The following SPAG16 variants were observed in gnomAD, a reference collection of about 807,000 sequenced individuals.
SPAG16 encodes the protein sperm associated antigen 16, also known as sperm-associated antigen 16 protein.
SPAG16 carries 86 observed loss-of-function variants against 80.4 expected under a neutral mutation model. The observed-to-expected ratio is 1.07, with a 90% CI of 0.90 to 1.28. The LOEUF (loss-of-function observed/expected upper bound fraction) is 1.28. Ranked by LOEUF, SPAG16 falls within the 50% of genes most tolerant of loss-of-function variation. SPAG16 has a pLI of 0.00. For synonymous variants in SPAG16, 294 were observed against 265.9 expected, an observed-to-expected ratio of 1.11 and a Z score of -1.03; for missense variants, 870 against 765.3, an observed-to-expected ratio of 1.14 and a Z score of -1.61.
At chr2:214,108,467 ACACACACACACACC>A (rs1484353531) in intron 14 of SPAG16, among the ~76,000 whole-genome samples, 17 of 88,892 alleles carry the variant, frequency 1.9e-4, no homozygotes, top group African/African-American at 7.5e-4. Flanking sequence ...ACACACACAC[ACACACACACACACC>A]CCCACACACA....
intron 9 of SPAG16, among the ~76,000 whole-genome samples, chr2:213,420,026 AT>A (rs375631530): frequency 0.072 from 10,466 of 146,050 alleles, 1,171 homozygotes; most frequent in African/African-American, 0.25. Flanking sequence ...TATACAAGAT[AT>A]TTTTTTATAC....
intron 14 of SPAG16, among the ~76,000 whole-genome samples, chr2:214,147,978 A>G (rs1241240720): frequency 6.6e-6 from 1 of 152,180 alleles, no homozygotes; most frequent in Non-Finnish European, 1.5e-5. Flanking sequence ...TAATTAAGGT[A>G]TTAACATTAA....
At chr2:213,467,127 A>G (rs1393846879) in intron 9 of SPAG16, among the ~76,000 whole-genome samples, 1 of 152,120 alleles carries the variant, frequency 6.6e-6, no homozygotes, top group Admixed American at 6.6e-5. Context: ...ATATTGGGGT[A>G]TTACAAGGGC....
At chr2:214,130,032 G>T (rs975064319) in intron 14 of SPAG16, among the ~76,000 whole-genome samples, 1 of 152,092 alleles carries the variant, frequency 6.6e-6, no homozygotes, top group Admixed American at 6.6e-5. Flanking sequence ...ACAAGTGAGC[G>T]TGCCTTCCAA....
chr2:213,346,087 G>A (rs1370772081), intron 6 of SPAG16, among the ~76,000 whole-genome samples: 1 of 152,154 alleles, frequency 6.6e-6, no homozygotes, highest in East Asian at 1.9e-4. Context: ...TCCTTGAAGA[G>A]GTCCTTCACA....
chr2:213,848,367 G>C (rs2074733128), intron 10 of SPAG16, among the ~76,000 whole-genome samples: 1 of 152,136 alleles, frequency 6.6e-6, no homozygotes, highest in African/African-American at 2.4e-5. Flanking sequence ...CATCTGAAGT[G>C]GTGTCCTACT....
At chr2:214,100,882 G>A (rs1238459937) in intron 13 of SPAG16, among the ~76,000 whole-genome samples, 1 of 151,940 alleles carries the variant, frequency 6.6e-6, no homozygotes, top group African/African-American at 2.4e-5. Flanking sequence ...TGGTAGAAAG[G>A]CATTTTAAAA....
chr2:213,937,992 A>C (rs2079054980), intron 12 of SPAG16, among the ~76,000 whole-genome samples: 1 of 152,044 alleles, frequency 6.6e-6, no homozygotes, highest in African/African-American at 2.4e-5. Context: ...TTTGGATCTG[A>C]CATGCTGTAT....
At chr2:213,650,907 A>G (rs1053135150) in intron 10 of SPAG16, among the ~76,000 whole-genome samples, 1 of 152,206 alleles carries the variant, frequency 6.6e-6, no homozygotes, top group African/African-American at 2.4e-5. Context: ...AATTTGAGAA[A>G]AATGATTCTG....
chr2:213,550,901 G>A (rs1230886599), intron 10 of SPAG16, among the ~76,000 whole-genome samples: 5 of 151,756 alleles, frequency 3.3e-5, no homozygotes, highest in African/African-American at 1.2e-4. Context: ...ATACTTTTAT[G>A]CATATTTTAA....
chr2:214,137,161 T>C lies in SPAG16; in HGVS notation c.1594-11979T>C, dbSNP rs529866429. 4.6e-5 allele frequency among the ~76,000 whole-genome samples: 7 copies of C among 152,262 alleles called. No homozygotes were observed. In the East Asian group the frequency reaches 7.7e-4, roughly 17 times the overall value. On this transcript the variant is annotated intron_variant, in intron 14 of 15. Coordinates refer to ENST00000331683, the MANE Select transcript of SPAG16 (RefSeq NM_024532.5). Reference sequence around the variant, plus strand: ...AACTTTTTAAATTGAAAAGAACAAATAAAATTAATGTGCATTGGCTTACTA... The same window carrying C: ...AACTTTTTAAATTGAAAAGAACAAACAAAATTAATGTGCATTGGCTTACTA...
At chr2:213,709,456 A>T (rs1487574843) in intron 10 of SPAG16, among the ~76,000 whole-genome samples, 1 of 152,230 alleles carries the variant, frequency 6.6e-6, no homozygotes, top group Admixed American at 6.5e-5. Flanking sequence ...GAATATTTCA[A>T]GCTATAATTC....
intron 11 of SPAG16, among the ~76,000 whole-genome samples, chr2:213,905,602 C>T (rs1211401177): frequency 6.6e-6 from 1 of 152,134 alleles, no homozygotes; most frequent in Non-Finnish European, 1.5e-5. Context: ...GCATGCTAGG[C>T]TTTGGGGAAA....
At position 213,989,966 on chromosome 2, in the gene SPAG16, G is replaced by A. The variant is rs183401921; in HGVS notation, c.1401-23985G>A. Among the ~76,000 whole-genome samples the A allele has an allele frequency of 7.9e-5, 12 of 152,082 alleles. No homozygotes were observed. The East Asian group carries it at 2.3e-3, about 29-fold the overall frequency. ...TAAAAATTGCCTTGATTTTAGAATAGCCACTAATTTTATATCATATTTGCA... is the reference window on the plus strand; with the variant it reads ...TAAAAATTGCCTTGATTTTAGAATAACCACTAATTTTATATCATATTTGCA... On this transcript the variant is annotated intron_variant, in intron 12 of 15. Transcript: ENST00000331683.
At chr2:213,303,305 G>A (rs962456897) in intron 3 of SPAG16, among the ~76,000 whole-genome samples, 18 of 150,716 alleles carry the variant, frequency 1.2e-4, no homozygotes, top group African/African-American at 2.2e-4. Flanking sequence ...TATATTTATC[G>A]GGTACATAAG....
At position 213,617,998 on chromosome 2, in the gene SPAG16, A is replaced by C. The variant is rs187577247; in HGVS notation, c.1070+127908A>C. Among the ~76,000 whole-genome samples, 276 of 152,282 alleles carry C rather than the reference A, an allele frequency of 1.8e-3. 1 individual carries two copies. The highest frequency in any genetic ancestry group is 1.0e-3 in the Non-Finnish European group (68 of 68,018). On this transcript the variant is annotated intron_variant, in intron 10 of 15. Transcript: ENST00000331683. ...TACACTCACCTCAAAAGGGCTTGTC[A>C]AGGTTGAGGTTGTAGCCCCTAGTTA... is the stretch of plus-strand genomic sequence containing the variant.
intron 10 of SPAG16, among the ~76,000 whole-genome samples, chr2:213,721,168 C>T (rs867953765): frequency 4.6e-5 from 7 of 152,186 alleles, no homozygotes; most frequent in Middle Eastern, 3.4e-3. Context: ...GGCTTGATCT[C>T]GGCTCACTGC....
At chr2:213,978,053 G>A (rs2045511054) in intron 12 of SPAG16, among the ~76,000 whole-genome samples, 1 of 150,466 alleles carries the variant, frequency 6.6e-6, no homozygotes, top group Non-Finnish European at 1.5e-5. Context: ...TTTCACCACA[G>A]AGTACTATGA....
chr2:213,626,768 C>A (rs1261298116), intron 10 of SPAG16, among the ~76,000 whole-genome samples: 2 of 151,562 alleles, frequency 1.3e-5, no homozygotes, highest in African/African-American at 4.9e-5. Flanking sequence ...CTGCCTCAGC[C>A]TCCTGAGTAG....
Sources: gnomAD v4.1 joint callset for allele counts (sites outside exome capture counted in the v4.1 genomes callset) on GRCh38, gnomAD v4.1.1 for gene constraint, MANE v1.5 for transcripts, NCBI Gene and HGNC (gene_info 2026-07-23, HGNC 2026-07-21) for gene names.